The following ZNF723 variants were observed in gnomAD, a reference collection of about 807,000 sequenced individuals.
ZNF723 encodes zinc finger protein 723, also known as zinc finger protein 723, pseudogene.
A neutral mutation model predicts 9.4 loss-of-function variants in ZNF723; 5 were observed. The observed-to-expected ratio is 0.53, with a 90% CI of 0.28 to 1.12. The LOEUF is 1.12. Ranked by LOEUF, ZNF723 falls within the 50% of genes most tolerant of loss-of-function variation. The pLI is 0.10. For missense variants in ZNF723, 450 were observed against 501.5 expected (o/e 0.90, Z 0.98); for synonymous variants, 158 against 168.8 (o/e 0.94, Z 0.49).
At chr19:22,846,814 T>C (rs1319561087) in intron 1 of ZNF723, among the ~76,000 whole-genome samples, 1 of 66,740 alleles carries the variant, frequency 1.5e-5, no homozygotes, top group African/African-American at 8.9e-5. Context: ...TATAATTTCC[T>C]TTTTTTTTTT....
At chr19:22,815,070 G>A in the ZNF723 span, among the ~76,000 whole-genome samples, 1 of 151,952 alleles carries the variant, frequency 6.6e-6, no homozygotes, top group Admixed American at 6.6e-5. Context: ...TTATCACCTA[G>A]GGGATGTGAC....
chr19:22,821,947 A>G, the ZNF723 span, among the ~76,000 whole-genome samples: 1 of 152,266 alleles, frequency 6.6e-6, no homozygotes, highest in East Asian at 1.9e-4. Context: ...CATCTCTACT[A>G]AAAATACAAA....
At chr19:22,833,990 A>G (rs1298634345) in intron 1 of ZNF723, among the ~76,000 whole-genome samples, 1 of 125,716 alleles carries the variant, frequency 8.0e-6, no homozygotes, top group East Asian at 2.3e-4. Context: ...ACTGTGGCTC[A>G]CCGCAACCTC....
At chr19:22,836,929 T>A (rs1967174832) in intron 1 of ZNF723, among the ~76,000 whole-genome samples, 1 of 152,162 alleles carries the variant, frequency 6.6e-6, no homozygotes. Context: ...CTGAGGTCTG[T>A]GAGTAGCTCT....
the ZNF723 span, among the ~76,000 whole-genome samples, chr19:22,819,982 C>A: frequency 7.9e-5 from 12 of 152,146 alleles, no homozygotes; most frequent in Admixed American, 6.6e-4. Flanking sequence ...TCATTTATTA[C>A]CTGTGTTATG....
chr19:22,818,498 G>A, the ZNF723 span, among the ~76,000 whole-genome samples: 1 of 152,130 alleles, frequency 6.6e-6, no homozygotes, highest in Non-Finnish European at 1.5e-5. Flanking sequence ...TTTGCAGGAG[G>A]GATTGAGTCT....
At chr19:22,829,108 G>T (rs1360040311), upstream of ZNF723, among the ~76,000 whole-genome samples, 1 of 151,938 alleles carries the variant, frequency 6.6e-6, no homozygotes, top group Non-Finnish European at 1.5e-5. Context: ...GGGAGGAGGA[G>T]GTTGCAGTGA....
Position 22,857,774 on chromosome 19 carries a change from A to G in ZNF723, c.883A>G (p.Asn295Asp). ...YKCKECGKAF[N>D]VFSSLNNHKR... Reference sequence around the variant, plus strand: ...ATGTAAAGAATGTGGCAAAGCCTTTAATGTGTTCTCAAGCCTTAATAATCA... The same window carrying G: ...ATGTAAAGAATGTGGCAAAGCCTTTGATGTGTTCTCAAGCCTTAATAATCA... Residue 295 changes from asparagine (N) to aspartate (D), a missense_variant, in exon 4 of 4, where the codon AAT becomes GAT. Asn to Asp is a conservative substitution (Grantham distance 23, BLOSUM62 1). This residue lies in a region of ZNF723 where 237 missense variants were observed against 332.2 expected (regional missense o/e 0.71). Transcript: ENST00000600766. The G allele has an allele frequency of 2.3e-6, 3 of 1,312,482 alleles. No individual in the cohort carries two copies. The highest frequency in any genetic ancestry group is 3.3e-6 in the Non-Finnish European group (3 of 905,738). 81.3% of individuals were successfully genotyped at this position (1,312,482 alleles called of 1,614,324 possible).
chr19:22,836,126 AAGG>A (rs1418030058), intron 1 of ZNF723, among the ~76,000 whole-genome samples: 12 of 152,130 alleles, frequency 7.9e-5, no homozygotes, highest in Middle Eastern at 3.2e-3. Context: ...GAGCCTGCAA[AAGG>A]AGGTTATTAA....
At chr19:22,847,563 T>G (rs1967330755) in intron 1 of ZNF723, among the ~76,000 whole-genome samples, 1 of 152,114 alleles carries the variant, frequency 6.6e-6, no homozygotes, top group South Asian at 2.1e-4. Flanking sequence ...GATCTCCAGT[T>G]TATTGTACAC....
intron 1 of ZNF723, among the ~76,000 whole-genome samples, chr19:22,844,326 A>G (rs1260533426): frequency 6.6e-6 from 1 of 152,212 alleles, no homozygotes; most frequent in East Asian, 1.9e-4. Context: ...AACTGCGTTA[A>G]ACTTTTCTCT....
upstream of ZNF723, among the ~76,000 whole-genome samples, chr19:22,827,618 T>G (rs1967051560): frequency 6.6e-6 from 1 of 152,006 alleles, no homozygotes; most frequent in South Asian, 2.1e-4. Flanking sequence ...TGGTTAATTT[T>G]TAGTATTTTT....
At chr19:22,816,861 A>G in the ZNF723 span, among the ~76,000 whole-genome samples, 1 of 152,246 alleles carries the variant, frequency 6.6e-6, no homozygotes, top group Non-Finnish European at 1.5e-5. Context: ...TCCTCTGCCT[A>G]CACAAGATAG....
chr19:22,819,408 G>A, the ZNF723 span, among the ~76,000 whole-genome samples: 1 of 152,218 alleles, frequency 6.6e-6, no homozygotes. Flanking sequence ...CATAGGTGAT[G>A]TAATTCTTCC....
chr19:22,856,167 G>A (rs989628559), intron 3 of ZNF723, among the ~76,000 whole-genome samples: 13 of 152,108 alleles, frequency 8.5e-5, no homozygotes, highest in Admixed American at 8.5e-4. Flanking sequence ...CACCATGTTA[G>A]CCAGTATGGT....
chr19:22,828,583 G>A (rs534178989), upstream of ZNF723, among the ~76,000 whole-genome samples: 2 of 152,250 alleles, frequency 1.3e-5, no homozygotes, highest in African/African-American at 4.8e-5. Context: ...AACCCAGGAG[G>A]CAGAGGTTGC....
chr19:22,818,452 C>A, the ZNF723 span, among the ~76,000 whole-genome samples: 1 of 152,136 alleles, frequency 6.6e-6, no homozygotes, highest in Non-Finnish European at 1.5e-5. Flanking sequence ...AAGATAGACA[C>A]ACCTTAGAGG....
intron 1 of ZNF723, chr19:22,840,904 C>G (rs111248325): frequency 1.1e-4 from 17 of 152,632 alleles, no homozygotes; most frequent in African/African-American, 3.4e-4. Flanking sequence ...CCTGCAGGCT[C>G]TCCTCCTGCA....
intron 1 of ZNF723, among the ~76,000 whole-genome samples, chr19:22,838,071 A>G (rs1967190323): frequency 1.3e-5 from 2 of 152,138 alleles, no homozygotes; most frequent in African/African-American, 2.4e-5. Flanking sequence ...GGTTTACTAT[A>G]TAGGTAAAAT....
Sources: allele counts gnomAD v4.1 joint callset (sites outside exome capture counted in the v4.1 genomes callset), GRCh38; gene constraint gnomAD v4.1.1; regional missense constraint gnomAD v4.1.1; transcripts MANE v1.5; gene names NCBI Gene and HGNC (gene_info 2026-07-23, HGNC 2026-07-21).